The following CLASP1 variants were observed in gnomAD, a reference collection of about 807,000 sequenced individuals.
The protein encoded by CLASP1 is cytoplasmic linker associated protein 1.
In CLASP1, 38 loss-of-function variants were observed where a neutral mutation model predicts 192.3. That is an observed-to-expected ratio of 0.20 (90% CI 0.15 to 0.26). CLASP1 has a LOEUF of 0.26. CLASP1 is among the 10% of genes least tolerant of loss of function. The probability of loss-of-function intolerance (pLI) is 1.00; values close to 1 mark genes in which losing one functional copy is unlikely to be tolerated. For missense variants in CLASP1, 1,433 were observed against 1,932.5 expected (o/e 0.74, Z 4.85); for synonymous variants, 691 against 712.8 (o/e 0.97, Z 0.49).
intron 19 of CLASP1, among the ~76,000 whole-genome samples, chr2:121,441,109 G>A (rs2083262464): frequency 6.6e-6 from 1 of 152,166 alleles, no homozygotes; most frequent in African/African-American, 2.4e-5. Flanking sequence ...AGTGTAGTTT[G>A]TAGGCCTGGT....
intron 33 of CLASP1, among the ~76,000 whole-genome samples, chr2:121,379,177 A>G (rs2071009062): frequency 1.3e-5 from 2 of 150,852 alleles, no homozygotes; most frequent in Non-Finnish European, 2.9e-5. Flanking sequence ...CCCAGATAAA[A>G]CCCACCTTTC....
intron 19 of CLASP1, among the ~76,000 whole-genome samples, chr2:121,438,249 A>G (rs1431842055): frequency 2.6e-5 from 4 of 152,246 alleles, no homozygotes; most frequent in Non-Finnish European, 1.5e-5. Context: ...ATTAGCTTGG[A>G]GTCTTCCAAA....
chr2:121,551,641 A>C (rs999332323), intron 2 of CLASP1, among the ~76,000 whole-genome samples: 1 of 152,224 alleles, frequency 6.6e-6, no homozygotes, highest in Non-Finnish European at 1.5e-5. Flanking sequence ...ACAGCGAACC[A>C]GGAAGGTAAA....
intron 28 of CLASP1, 135 bp from the exon 30 acceptor site, chr2:121,398,535 T>C (rs1179734881): frequency 8.0e-6 from 5 of 622,708 alleles, no homozygotes; most frequent in African/African-American, 3.7e-5. Flanking sequence ...ATAGTGCTTT[T>C]CGTTTTATGT....
chr2:121,468,546 G>A (rs954869653), intron 9 of CLASP1, among the ~76,000 whole-genome samples: 1 of 152,112 alleles, frequency 6.6e-6, no homozygotes, highest in African/African-American at 2.4e-5. Context: ...AATTGTGAAT[G>A]GGAATTCATT....
At chr2:121,482,698 C>A (rs2092685729) in intron 8 of CLASP1, among the ~76,000 whole-genome samples, 1 of 152,132 alleles carries the variant, frequency 6.6e-6, no homozygotes, top group Non-Finnish European at 1.5e-5. Flanking sequence ...CTGTGAGCAC[C>A]TGAGCTGAGC....
Position 121,479,033 on chromosome 2 carries a change from C to A in CLASP1, c.713-9073G>T, listed in dbSNP as rs1559370882. Among the ~76,000 whole-genome samples the A allele has an allele frequency of 4.7e-4, 28 of 59,026 alleles. 1 individual carries two copies. Among genetic ancestry groups the A allele is most frequent in the African/African-American group, 2.0e-3 (23 of 11,772 alleles). The allele number at this position is 59,026 out of a possible 152,430, so 38.7% of individuals were successfully genotyped here. On this transcript the variant is annotated intron_variant, in intron 8 of 39. Coordinates refer to ENST00000263710, the Ensembl canonical transcript of CLASP1. ...CACACACACCACACACACACACACC[C>A]CACACACACACACACCCCCCCCCCA...
chr2:121,648,172 C>A (rs1181701637), intron 1 of CLASP1, among the ~76,000 whole-genome samples: 1 of 152,174 alleles, frequency 6.6e-6, no homozygotes, highest in East Asian at 1.9e-4. Flanking sequence ...TCCCTCATAT[C>A]GAGAGGTCAG....
chr2:121,358,595 A>G (rs2065827992), intron 37 of CLASP1, among the ~76,000 whole-genome samples: 1 of 152,256 alleles, frequency 6.6e-6, no homozygotes, highest in Non-Finnish European at 1.5e-5. Flanking sequence ...GGACTGCATG[A>G]GATACCATGC....
At chr2:121,350,559 C>A (rs909340994) in intron 37 of CLASP1, among the ~76,000 whole-genome samples, 1 of 152,190 alleles carries the variant, frequency 6.6e-6, no homozygotes, top group South Asian at 2.1e-4. Flanking sequence ...CAGCCCAGGG[C>A]TACACTGTCC....
intron 22 of CLASP1, among the ~76,000 whole-genome samples, chr2:121,423,493 A>C (rs1427470038): frequency 2.0e-5 from 3 of 152,208 alleles, no homozygotes; most frequent in African/African-American, 7.2e-5. Context: ...ATAATATAAA[A>C]GGAAAAAAAA....
intron 8 of CLASP1, among the ~76,000 whole-genome samples, chr2:121,476,080 G>T (rs980198545): frequency 1.3e-5 from 2 of 152,122 alleles, no homozygotes; most frequent in African/African-American, 4.8e-5. Flanking sequence ...TAGACATAAT[G>T]AAGGGAAAAA....
chr2:121,462,899 A>C (rs1042514910), intron 9 of CLASP1, among the ~76,000 whole-genome samples: 1 of 152,198 alleles, frequency 6.6e-6, no homozygotes, highest in Non-Finnish European at 1.5e-5. Context: ...GTATTAACAT[A>C]CAAGTCCTTT....
intron 21 of CLASP1, among the ~76,000 whole-genome samples, chr2:121,426,299 T>G (rs2080366785): frequency 6.6e-6 from 1 of 152,200 alleles, no homozygotes; most frequent in South Asian, 2.1e-4. Flanking sequence ...GGATATTTAA[T>G]ATTTATGAAA....
intron 2 of CLASP1, among the ~76,000 whole-genome samples, chr2:121,571,523 T>A (rs540823504): frequency 2.6e-5 from 4 of 152,242 alleles, no homozygotes; most frequent in Non-Finnish European, 5.9e-5. Flanking sequence ...AATATCAATA[T>A]TATAGTTGAA....
chr2:121,515,866 C>T, intron 6 of CLASP1, 104 bp from the exon 7 acceptor site: 1 of 831,634 alleles, frequency 1.2e-6, no homozygotes, highest in Middle Eastern at 2.2e-4. Flanking sequence ...CACCATTTTA[C>T]CAGTGCAACT....
chr2:121,469,830 G>A (rs760733577), exon 9 of CLASP1: 2 of 1,613,212 alleles, frequency 1.2e-6, no homozygotes, highest in Non-Finnish European at 1.7e-6. Context: ...ATCCAAGGGT[G>A]GATGAACCAA....
At chr2:121,530,679 G>A (rs1007779473) in intron 2 of CLASP1, 2 of 509,848 alleles carry the variant, frequency 3.9e-6, no homozygotes, top group Non-Finnish European at 7.0e-6. Flanking sequence ...GCCGACGCGC[G>A]GTCTTCTGGG....
chr2:121,555,201 T>C (rs910362865), intron 2 of CLASP1, among the ~76,000 whole-genome samples: 4 of 152,224 alleles, frequency 2.6e-5, no homozygotes, highest in Admixed American at 6.5e-5. Context: ...CTGGATGTGC[T>C]GTGCTCTCGC....
Sources: allele counts gnomAD v4.1 joint callset (sites outside exome capture counted in the v4.1 genomes callset), GRCh38; gene constraint gnomAD v4.1.1; transcripts MANE v1.5; gene names NCBI Gene and HGNC (gene_info 2026-07-23, HGNC 2026-07-21).